The following PHTF2 variants were observed in gnomAD, a reference collection of about 807,000 sequenced individuals.
The protein encoded by PHTF2 is protein PHTF2.
In PHTF2, 60 loss-of-function variants were observed where a neutral mutation model predicts 101.2. That is an observed-to-expected ratio of 0.59 (90% CI 0.48 to 0.73). The LOEUF (loss-of-function observed/expected upper bound fraction) is 0.73. Among genes scored for constraint, PHTF2 ranks in the 30% least tolerant of loss-of-function variants. PHTF2 has a pLI of 0.00. For synonymous variants in PHTF2, 311 were observed against 307.3 expected, an observed-to-expected ratio of 1.01 and a Z score of -0.13; for missense variants, 747 against 908.7, an observed-to-expected ratio of 0.82 and a Z score of 2.29.
At chr7:77,803,060 A>G (rs1334088463) in intron 1 of PHTF2, among the ~76,000 whole-genome samples, 1 of 152,250 alleles carries the variant, frequency 6.6e-6, no homozygotes, top group Non-Finnish European at 1.5e-5. Flanking sequence ...CACAAAATAT[A>G]GAAGTGAGTT....
intron 1 of PHTF2, among the ~76,000 whole-genome samples, chr7:77,804,585 C>G (rs1792825392): frequency 6.6e-6 from 1 of 152,202 alleles, no homozygotes; most frequent in Non-Finnish European, 1.5e-5. Flanking sequence ...CTTGGCCTCC[C>G]AAACTGCTGG....
rs185744985 is a variant in PHTF2, at chr7:77,884,217, G to A, written c.148-9391G>A. On this transcript the variant is annotated intron_variant, in intron 3 of 19. Transcript: ENST00000416283. ...TTTTCCTTGTTTTCTCTGAGAATTT[G>A]TCTTTTTAAAATTAAAAAAGAAAAT... 1.8e-4 allele frequency among the ~76,000 whole-genome samples: 27 copies of A among 152,246 alleles called. No homozygotes were observed. The East Asian group carries it at 5.0e-3, about 28-fold the overall frequency.
intron 9 of PHTF2, among the ~76,000 whole-genome samples, chr7:77,915,798 A>T (rs1418680074): frequency 6.6e-6 from 1 of 152,166 alleles, no homozygotes; most frequent in African/African-American, 2.4e-5. Flanking sequence ...TCTATCATGG[A>T]ATAAATAAAA....
At position 77,892,063 on chromosome 7, in the gene PHTF2, G is replaced by A. The variant is rs377735782; in HGVS notation, c.148-1545G>A. 2.6e-4 allele frequency among the ~76,000 whole-genome samples: 40 copies of A among 152,316 alleles called. No individual in the cohort carries two copies. In the East Asian group the frequency reaches 7.3e-3, roughly 28 times the overall value. On this transcript the variant is annotated intron_variant, in intron 3 of 19. Transcript: ENST00000416283. ...GAGGCTGAGGTGGGTGGATCACGAG[G>A]TCAGGAGATCGAGACCATCCTGGCT...
chr7:77,835,862 G>A (rs991378094), intron 1 of PHTF2, among the ~76,000 whole-genome samples: 1 of 152,090 alleles, frequency 6.6e-6, no homozygotes, highest in Non-Finnish European at 1.5e-5. Context: ...GCTCACACCT[G>A]TAATACCAGC....
At chr7:77,925,806 G>A (rs1225206838) in intron 11 of PHTF2, among the ~76,000 whole-genome samples, 3 of 151,998 alleles carry the variant, frequency 2.0e-5, no homozygotes, top group Non-Finnish European at 4.4e-5. Context: ...GCTTGTAATC[G>A]CAGCACTTTG....
chr7:77,903,650 T>C (rs559271026), intron 7 of PHTF2, among the ~76,000 whole-genome samples: 46 of 152,318 alleles, frequency 3.0e-4, no homozygotes, highest in Non-Finnish European at 7.4e-5. Flanking sequence ...AAGGCCCTTA[T>C]GATGAACACT....
rs539577753 is a variant in PHTF2, at chr7:77,918,221, C to CT, written c.777-2050dup. Among the ~76,000 whole-genome samples, 12 of 151,964 alleles carry CT rather than the reference C, an allele frequency of 7.9e-5. No individual in the cohort carries two copies. In the South Asian group the frequency reaches 8.3e-4, roughly 11 times the overall value. On this transcript the variant is annotated intron_variant, in intron 9 of 19. Transcript: ENST00000416283. The stretch of plus-strand genomic sequence containing the variant: ...CTACCCTCACCCCCCTACCACCACC[C>CT]TTTTTTTTAACCCTATAGAGTCTGG...
intron 7 of PHTF2, among the ~76,000 whole-genome samples, chr7:77,903,520 A>G (rs1386817178): frequency 6.6e-6 from 1 of 152,220 alleles, no homozygotes; most frequent in East Asian, 1.9e-4. Context: ...GTTCACTGAC[A>G]TTGTATAATT....
chr7:77,889,842 G>A (rs1190520862), intron 3 of PHTF2, among the ~76,000 whole-genome samples: 3 of 151,784 alleles, frequency 2.0e-5, no homozygotes, highest in Admixed American at 6.6e-5. Context: ...TTCATGATCC[G>A]CCTGCCTCGG....
intron 14 of PHTF2, 31 bp from the exon 14 acceptor site, chr7:77,940,497 G>T: frequency 2.6e-6 from 4 of 1,540,856 alleles, no homozygotes; most frequent in South Asian, 1.3e-5. Context: ...TAATCTACTT[G>T]AAAATTAATC....
At chr7:77,891,360 T>C (rs924791983) in intron 3 of PHTF2, among the ~76,000 whole-genome samples, 5 of 152,160 alleles carry the variant, frequency 3.3e-5, no homozygotes, top group African/African-American at 1.2e-4. Flanking sequence ...AGATGACTGA[T>C]TGATTGAATT....
intron 10 of PHTF2, among the ~76,000 whole-genome samples, chr7:77,921,430 A>G (rs1399713900): frequency 6.6e-6 from 1 of 152,220 alleles, no homozygotes; most frequent in African/African-American, 2.4e-5. Flanking sequence ...AAATTAAAAG[A>G]TGTTACCTCT....
At chr7:77,895,215 C>T (rs1219993783) in intron 5 of PHTF2, 1 of 448,290 alleles carries the variant, frequency 2.2e-6, no homozygotes, top group Non-Finnish European at 4.5e-6. Context: ...GTATGTGATA[C>T]ATACATACAT....
intron 5 of PHTF2, chr7:77,895,221 T>C (rs1486528380): frequency 2.2e-6 from 1 of 449,192 alleles, no homozygotes; most frequent in Non-Finnish European, 4.5e-6. Context: ...GATACATACA[T>C]ACATATATAA....
chr7:77,924,334 T>C (rs1803761798), intron 11 of PHTF2, among the ~76,000 whole-genome samples: 1 of 152,100 alleles, frequency 6.6e-6, no homozygotes, highest in Non-Finnish European at 1.5e-5. Context: ...AGCAAGCATC[T>C]CTAGTACCTA....
At chr7:77,931,677 A>G (rs1470045279) in intron 12 of PHTF2, among the ~76,000 whole-genome samples, 7 of 152,360 alleles carry the variant, frequency 4.6e-5, no homozygotes, top group South Asian at 2.1e-4. Context: ...TTGAAGTTCT[A>G]TATATTCTAG....
At chr7:77,814,244 A>G (rs1793667514) in intron 1 of PHTF2, among the ~76,000 whole-genome samples, 1 of 152,214 alleles carries the variant, frequency 6.6e-6, no homozygotes, top group South Asian at 2.1e-4. Context: ...CTCTTAGAGG[A>G]AATACAGAGT....
At chr7:77,916,447 C>A (rs1432468421) in intron 9 of PHTF2, among the ~76,000 whole-genome samples, 1 of 152,146 alleles carries the variant, frequency 6.6e-6, no homozygotes, top group East Asian at 1.9e-4. Context: ...TAAAACTAAA[C>A]CTGCCTGGAG....
Sources: allele counts gnomAD v4.1 joint callset (sites outside exome capture counted in the v4.1 genomes callset), GRCh38; gene constraint gnomAD v4.1.1; transcripts MANE v1.5; gene names NCBI Gene and HGNC (gene_info 2026-07-23, HGNC 2026-07-21).